SLC75A1: variants seen among roughly 807,000 people sequenced by gnomAD.
The protein encoded by SLC75A1 is major facilitator superfamily domain containing 10.
At chr4:2,931,189 C>G in the SLC75A1 span, 8 of 1,557,350 alleles carry the variant, frequency 5.1e-6, no homozygotes, top group African/African-American at 4.1e-5. Context: ...CTGCCCTTCT[C>G]CCGCTCAGGT....
chr4:2,930,636 T>C, the SLC75A1 span: 1 of 603,796 alleles, frequency 1.7e-6, no homozygotes, highest in Non-Finnish European at 2.9e-6. Context: ...ACAGAAGCCC[T>C]GACAGCCTTG....
the SLC75A1 span, chr4:2,930,942 C>T: frequency 6.2e-7 from 1 of 1,613,064 alleles, no homozygotes; most frequent in Non-Finnish European, 8.5e-7. Flanking sequence ...TGGGCCCCGG[C>T]CAGCCAGTAC....
the SLC75A1 span, chr4:2,932,709 G>A: frequency 1.0e-5 from 16 of 1,601,782 alleles, no homozygotes; most frequent in Middle Eastern, 3.3e-4. Flanking sequence ...CAGGAAGGCC[G>A]CAAAGCTCCG....
chr4:2,933,052 T>C, the SLC75A1 span: 6 of 1,543,572 alleles, frequency 3.9e-6, no homozygotes, highest in Non-Finnish European at 5.4e-6. Context: ...CCCATGGGGC[T>C]ACTGGCTGGG....
At chr4:2,934,387 A>G in the SLC75A1 span, 1 of 183,442 alleles carries the variant, frequency 5.5e-6, no homozygotes, top group Middle Eastern at 2.4e-3. Context: ...GGCGGGGGCC[A>G]TGGGGTGCAC....
At chr4:2,931,227 C>T in the SLC75A1 span, 1 of 1,563,930 alleles carries the variant, frequency 6.4e-7, no homozygotes, top group East Asian at 2.4e-5. Flanking sequence ...GGGGGCTCAC[C>T]ATAGCCAGCG....
the SLC75A1 span, chr4:2,931,607 C>CT: frequency 6.2e-7 from 1 of 1,613,584 alleles, no homozygotes; most frequent in Non-Finnish European, 8.5e-7. Context: ...GGCATAGGCA[C>CT]CCTGGATGGT....
the SLC75A1 span, chr4:2,932,642 G>T: frequency 6.2e-7 from 1 of 1,613,012 alleles, no homozygotes; most frequent in Non-Finnish European, 8.5e-7. Flanking sequence ...GGTCAGCAAC[G>T]ATGGCCGTGG....
At chr4:2,931,477 C>A in the SLC75A1 span, 1 of 1,579,246 alleles carries the variant, frequency 6.3e-7, no homozygotes, top group Admixed American at 1.8e-5. Context: ...TGCAGGTGGG[C>A]ACGGCAGCCT....
At chr4:2,932,473 C>A in the SLC75A1 span, 1 of 1,613,616 alleles carries the variant, frequency 6.2e-7, no homozygotes, top group South Asian at 1.1e-5. Flanking sequence ...AGCATAGGGC[C>A]CAGGGTGAAG....
At chr4:2,932,038 T>A in the SLC75A1 span, 5 of 1,610,260 alleles carry the variant, frequency 3.1e-6, no homozygotes, top group Non-Finnish European at 4.2e-6. Flanking sequence ...GTTGGTCGAG[T>A]CCTTACTGTC....
chr4:2,932,797 T>A, the SLC75A1 span: 3 of 1,530,486 alleles, frequency 2.0e-6, no homozygotes, highest in African/African-American at 2.8e-5. Flanking sequence ...GGGCGGTCGC[T>A]TAAGGCCAGG....
the SLC75A1 span, chr4:2,931,499 G>A: frequency 1.5e-5 from 24 of 1,589,068 alleles, no homozygotes; most frequent in African/African-American, 4.0e-5. Context: ...AGCACAGCCC[G>A]TGCCCTGCAG....
the SLC75A1 span, chr4:2,931,995 G>C: frequency 2.5e-6 from 4 of 1,604,332 alleles, no homozygotes; most frequent in Admixed American, 1.7e-5. Flanking sequence ...CGCCGCCCGG[G>C]GAAGCCCAGG....
chr4:2,933,454 A>G, the SLC75A1 span: 1 of 1,186,642 alleles, frequency 8.4e-7, no homozygotes, highest in Non-Finnish European at 1.2e-6. Context: ...CAGACATGCC[A>G]GCCCAGGGAG....
At chr4:2,932,057 G>C in the SLC75A1 span, 2 of 1,611,096 alleles carry the variant, frequency 1.2e-6, no homozygotes, top group South Asian at 2.2e-5. Context: ...TCTCCAGAGG[G>C]TGGGTCCTGG....
the SLC75A1 span, chr4:2,931,986 G>A: frequency 1.1e-5 from 17 of 1,601,480 alleles, no homozygotes; most frequent in African/African-American, 4.0e-5. Context: ...AGGGAAGGGC[G>A]CCGCCCGGGG....
chr4:2,931,663 G>T, the SLC75A1 span: 2 of 1,611,966 alleles, frequency 1.2e-6, no homozygotes, highest in Admixed American at 1.7e-5. Flanking sequence ...CCTGCTGTAG[G>T]CTGGGAGCGG....
At chr4:2,931,846 T>G in the SLC75A1 span, 2 of 1,606,228 alleles carry the variant, frequency 1.2e-6, no homozygotes, top group Admixed American at 3.4e-5. Flanking sequence ...GAAGCGCTGG[T>G]GTGTGAGGAA....
Sources: allele counts gnomAD v4.1 joint callset, GRCh38; gene constraint gnomAD v4.1.1; transcripts MANE v1.5; gene names NCBI Gene and HGNC (gene_info 2026-07-23, HGNC 2026-07-21).